Variants in WDR19 observed in about 807,000 individuals in gnomAD.
The protein encoded by WDR19 is WD repeat domain 19, also known as WD repeat-containing protein 19.
WDR19 carries 121 observed loss-of-function variants against 180.0 expected under a neutral mutation model. That is an observed-to-expected ratio of 0.67 (90% CI 0.58 to 0.78). WDR19 has a LOEUF of 0.78. Among genes scored for constraint, WDR19 ranks in the 30% least tolerant of loss-of-function variants. WDR19 has a pLI of 0.00. For missense variants in WDR19, 1,450 were observed against 1,640.7 expected (o/e 0.88, Z 2.01); for synonymous variants, 497 against 540.7 (o/e 0.92, Z 1.12).
intron 3 of WDR19, among the ~76,000 whole-genome samples, chr4:39,188,618 CAAAAAAAAA>C (rs60149380): frequency 1.2e-4 from 10 of 81,188 alleles, no homozygotes; most frequent in Non-Finnish European, 2.2e-4. Flanking sequence ...GACCTTGTCT[CAAAAAAAAA>C]AAAAAAAAGA....
At chr4:39,217,470 C>G (rs1393518810) in intron 13 of WDR19, among the ~76,000 whole-genome samples, 1 of 152,064 alleles carries the variant, frequency 6.6e-6, no homozygotes, top group Non-Finnish European at 1.5e-5. Flanking sequence ...CACAACATAG[C>G]CTTTAGTAAA....
chr4:39,273,933 G>A (rs1240627573), intron 32 of WDR19: 1 of 152,096 alleles, frequency 6.6e-6, no homozygotes, highest in Non-Finnish European at 1.5e-5. Flanking sequence ...TTCTGTAAAG[G>A]ACCAGATGTT....
chr4:39,183,268 T>TTTTTTTTTTTTTTTTC, intron 1 of WDR19, among the ~76,000 whole-genome samples: 2 of 146,222 alleles, frequency 1.4e-5, no homozygotes, highest in Non-Finnish European at 1.5e-5. Context: ...TTTTTTTTTT[T>TTTTTTTTTTTTTTTTC]TTACTGAGTC....
chr4:39,222,784 G>C (rs561381056), intron 14 of WDR19, among the ~76,000 whole-genome samples: 1 of 152,152 alleles, frequency 6.6e-6, no homozygotes, highest in South Asian at 2.1e-4. Flanking sequence ...GAAGTCCTAG[G>C]TACCCCTTTA....
Position 39,205,609 on chromosome 4 carries a change from G to A in WDR19, c.763G>A (p.Val255Met), listed in dbSNP as rs1190857734. ...GATTGGTTTTTCATGTGGACATTTT[G>A]TGGTCATTTCTACTCATACTGGAGA... ...IMIGFSCGHF[V>M]VISTHTGELG... Residue 255 changes from valine (V) to methionine (M), a missense_variant, in exon 9 of 37, where the codon GTG becomes ATG. Physicochemically the swap from Val to Met is conservative, Grantham distance 21. Transcript: ENST00000399820. 1.2e-6 allele frequency: 2 copies of A among 1,613,362 alleles called. No homozygotes were observed. Among genetic ancestry groups the A allele is most frequent in the African/African-American group, 1.3e-5 (1 of 74,998 alleles).
intron 15 of WDR19, among the ~76,000 whole-genome samples, chr4:39,225,860 C>G (rs756048987): frequency 1.1e-4 from 17 of 151,668 alleles, no homozygotes; most frequent in Non-Finnish European, 2.1e-4. Flanking sequence ...CTTCTCTTCT[C>G]TTTTTCTTTT....
In WDR19 at chr4:39,255,925, G is replaced by A. The variant is rs1733704930; in HGVS notation, c.3079G>A (p.Gly1027Arg). 6.2e-7 allele frequency: 1 copy of A among 1,607,596 alleles called. No homozygotes were observed. The highest frequency in any genetic ancestry group is 8.5e-7 in the Non-Finnish European group (1 of 1,177,066). ...FEGEKRYLQA[G>R]KFFLLCGQYS... is the part of the protein sequence containing the mutation. The stretch of plus-strand genomic sequence containing the variant: ...AGGAGAAAAGAGATATCTTCAGGCT[G>A]GAAAATTCTTCTTGCTGTGTGGCCA... Residue 1027 changes from glycine to arginine, a missense_variant, in exon 27 of 37, where the codon GGA becomes AGA. By Grantham distance (125) the Gly-to-Arg change is moderately radical. Coordinates refer to ENST00000399820, the MANE Select transcript of WDR19 (RefSeq NM_025132.4).
At chr4:39,254,893 G>A in intron 26 of WDR19, among the ~76,000 whole-genome samples, 1 of 151,966 alleles carries the variant, frequency 6.6e-6, no homozygotes, top group East Asian at 1.9e-4. Flanking sequence ...TGTTCTTTTT[G>A]TGTTATTCTG....
At chr4:39,193,958 A>G (rs1478452147) in intron 4 of WDR19, among the ~76,000 whole-genome samples, 2 of 152,262 alleles carry the variant, frequency 1.3e-5, no homozygotes, top group Admixed American at 1.3e-4. Flanking sequence ...ATATATGGAA[A>G]GAGGTACTCT....
intron 9 of WDR19, among the ~76,000 whole-genome samples, chr4:39,213,043 C>T (rs1728709712): frequency 6.6e-6 from 1 of 152,122 alleles, no homozygotes; most frequent in East Asian, 1.9e-4. Context: ...GCTATTACTA[C>T]CCATCTATTA....
Position 39,194,546 on chromosome 4 carries a change from A to T in WDR19, c.293A>T (p.Asp98Val), listed in dbSNP as rs767069160. 1 of 1,604,858 alleles carries T rather than the reference A, an allele frequency of 6.2e-7. No homozygotes were observed. The highest frequency in any genetic ancestry group is 1.7e-5 in the Admixed American group (1 of 59,592). Residue 98 changes from aspartate to valine, a missense_variant and splice_region_variant, in exon 5 of 37, where the codon GAT becomes GTT. Asp to Val is a radical substitution (Grantham distance 152). Coordinates refer to ENST00000399820, the MANE Select transcript of WDR19 (RefSeq NM_025132.4). ...KTSQLDNGMR[D>V]QMSFLLWSKV... ...TAATTTATATCTTAATGTTACAGGG[A>T]TCAAATGTCTTTCCTTCTTTGGTCA... is the stretch of plus-strand genomic sequence containing the variant.
Position 39,245,325 on chromosome 4 carries a change from G to A in WDR19, c.2646-44G>A, listed in dbSNP as rs548644819. 2.9e-5 allele frequency: 43 copies of A among 1,484,700 alleles called. No homozygotes were observed. The South Asian group carries it at 4.1e-4, about 14-fold the overall frequency. 92.0% of individuals were successfully genotyped at this position (1,484,700 alleles called of 1,614,324 possible). On this transcript the variant is annotated intron_variant, in intron 23 of 36. Coordinates refer to ENST00000399820, the MANE Select transcript of WDR19 (RefSeq NM_025132.4). ...TTGGTTATAGCAGGCTACTTTTGGA[G>A]TGAACACAGTACTCATACTGTTCTC...
rs1266391176 is a variant in WDR19 at position 39,253,968 on chromosome 4, A to G, written c.2939A>G (p.Asn980Ser). The change falls in exon 26 of 37, where the codon AAC becomes AGC. Residue 980 changes from asparagine (N) to serine (S), a missense_variant. By Grantham distance (46) the Asn-to-Ser change is conservative. Coordinates refer to ENST00000399820, the MANE Select transcript of WDR19 (RefSeq NM_025132.4). ...CAGTTTCTTGTCATGTCCAAATGCAACAATGAAGCTTTCACACTGGCTCAG... is the reference window on the plus strand; with the variant it reads ...CAGTTTCTTGTCATGTCCAAATGCAGCAATGAAGCTTTCACACTGGCTCAG... ...AIQFLVMSKC[N>S]NEAFTLAQQH... 13 of 1,612,534 alleles carry G rather than the reference A, an allele frequency of 8.1e-6. No homozygotes were observed. Among genetic ancestry groups the G allele is most frequent in the Non-Finnish European group, 1.1e-5 (13 of 1,178,848 alleles).
chr4:39,200,633 AGTGAGAGC>A (rs1268961651), intron 6 of WDR19, among the ~76,000 whole-genome samples: 5 of 152,212 alleles, frequency 3.3e-5, no homozygotes. Flanking sequence ...CTGGTGAGAG[AGTGAGAGC>A]AGCCATTCAA....
At chr4:39,193,678 C>T (rs1253268078) in intron 4 of WDR19, among the ~76,000 whole-genome samples, 1 of 152,200 alleles carries the variant, frequency 6.6e-6, no homozygotes, top group Non-Finnish European at 1.5e-5. Context: ...GTCCTTTTAT[C>T]ACTGCCCTCA....
At chr4:39,266,272 G>T in intron 29 of WDR19, 132 bp downstream of exon 29, 1 of 638,756 alleles carries the variant, frequency 1.6e-6, no homozygotes. Flanking sequence ...AGATCATCTA[G>T]ACCAGGAGCG....
At chr4:39,194,802 T>C (rs1373682753) in intron 5 of WDR19, 143 bp downstream of exon 5, 11 of 601,544 alleles carry the variant, frequency 1.8e-5, no homozygotes, top group Non-Finnish European at 2.9e-5. Flanking sequence ...GTCTTACATT[T>C]AGCTAAACAT....
intron 35 of WDR19, 31 bp from the exon 36 acceptor site, chr4:39,278,508 A>G (rs759878342): frequency 6.5e-7 from 1 of 1,546,952 alleles, no homozygotes; most frequent in East Asian, 2.3e-5. Context: ...TTATATATTT[A>G]ATTTACTCTG....
At chr4:39,240,899 T>C (rs1333053064) in intron 21 of WDR19, among the ~76,000 whole-genome samples, 1 of 147,882 alleles carries the variant, frequency 6.8e-6, no homozygotes, top group Admixed American at 7.0e-5. Flanking sequence ...GAGGTTGCAG[T>C]GAGCCAAGAT....
Sources: allele counts gnomAD v4.1 joint callset (sites outside exome capture counted in the v4.1 genomes callset), GRCh38; gene constraint gnomAD v4.1.1; transcripts MANE v1.5; gene names NCBI Gene and HGNC (gene_info 2026-07-23, HGNC 2026-07-21).